The following DHX33 variants were observed in gnomAD, a reference collection of about 807,000 sequenced individuals.
The protein encoded by DHX33 is DEAH-box helicase 33, also known as ATP-dependent RNA helicase DHX33.
In DHX33, 42 loss-of-function variants were observed where a neutral mutation model predicts 72.5. That is an observed-to-expected ratio of 0.58 (90% CI 0.45 to 0.75). The LOEUF (loss-of-function observed/expected upper bound fraction) is 0.75, where lower values mean the gene tolerates loss of function less well. DHX33 is among the 30% of genes least tolerant of loss of function. DHX33 has a pLI of 0.00. For missense variants in DHX33, 842 were observed against 917.5 expected, an observed-to-expected ratio of 0.92 and a Z score of 1.06; for synonymous variants, 358 against 366.1, an observed-to-expected ratio of 0.98 and a Z score of 0.25.
In DHX33 at chr17:5,444,577, A is replaced by G; in HGVS notation, c.1816-64T>C. 3.9e-6 allele frequency: 6 copies of G among 1,530,594 alleles called. No homozygotes were observed. The South Asian group carries it at 5.0e-5, about 13-fold the overall frequency. 94.8% of individuals were successfully genotyped at this position (1,530,594 alleles called of 1,614,324 possible). ...ACGTAAACACTGGTCAGCACTACAC[A>G]GCGTGTTGGGGCAACTGGACCCACT... On this transcript the variant is annotated intron_variant, in intron 11 of 11. Coordinates refer to ENST00000225296, the MANE Select transcript of DHX33 (RefSeq NM_020162.4). This position sits in a 1 kb window ranked among gnomAD's most constrained non-coding sequence, Gnocchi z 4.9.
chr17:5,447,394 C>T (rs1916698464), intron 11 of DHX33, among the ~76,000 whole-genome samples: 1 of 152,114 alleles, frequency 6.6e-6, no homozygotes, highest in African/African-American at 2.4e-5. Context: ...GTGGCTCACG[C>T]CTGTAATCCC....
At chr17:5,450,716 G>C in intron 9 of DHX33, 91 bp downstream of exon 9, 1 of 1,544,496 alleles carries the variant, frequency 6.5e-7, no homozygotes, top group Middle Eastern at 1.8e-4. Flanking sequence ...GAAAAAGTGA[G>C]ATTAATCTAG....
chr17:5,467,664 T>A (rs1441645562), intron 1 of DHX33, among the ~76,000 whole-genome samples: 1 of 151,894 alleles, frequency 6.6e-6, no homozygotes, highest in East Asian at 1.9e-4. Flanking sequence ...ATAAACCCCC[T>A]CGGGCCGGAA....
chr17:5,457,135 T>C (rs980316798), intron 4 of DHX33, among the ~76,000 whole-genome samples: 2 of 151,990 alleles, frequency 1.3e-5, no homozygotes, highest in Non-Finnish European at 2.9e-5. Flanking sequence ...GGTGAAACCC[T>C]GTCTCTACTA....
intron 5 of DHX33, among the ~76,000 whole-genome samples, 162 bp from the exon 6 acceptor site, chr17:5,455,433 G>A (rs935085874): frequency 2.0e-5 from 3 of 152,124 alleles, no homozygotes; most frequent in Non-Finnish European, 4.4e-5. Flanking sequence ...TCATTAAACC[G>A]GGCAGGGGAA....
In DHX33 at chr17:5,442,047, A is replaced by C. The variant is rs1205999334; in HGVS notation, c.*2158T>G. Reference sequence around the variant, plus strand: ...GTAGCTGGGATTACAGGCGTGTGCCACCATGCCCAGCTAAGTTTTCTATTT... The same window carrying C: ...GTAGCTGGGATTACAGGCGTGTGCCCCCATGCCCAGCTAAGTTTTCTATTT... On this transcript the variant is annotated 3_prime_UTR_variant, in exon 12 of 12. Transcript: ENST00000225296. The C allele has an allele frequency of 6.6e-6, 1 of 152,160 alleles. No homozygotes were observed. The highest frequency in any genetic ancestry group is 2.4e-5 in the African/African-American group (1 of 41,386). The allele number at this position is 152,160 out of a possible 1,614,324, so 9.4% of individuals were successfully genotyped here. A position where few individuals can be genotyped will look rare whatever the true frequency, so the allele number is the denominator to read the frequency against.
chr17:5,464,731 T>G (rs1904796327), intron 1 of DHX33, among the ~76,000 whole-genome samples: 1 of 152,240 alleles, frequency 6.6e-6, no homozygotes, highest in Non-Finnish European at 1.5e-5. Flanking sequence ...TACATAGATT[T>G]CTGCATACTG....
Position 5,468,923 on chromosome 17 carries a change from A to T in DHX33, c.-64T>A, listed in dbSNP as rs756315989. 6.5e-7 allele frequency: 1 copy of T among 1,530,286 alleles called. No individual in the cohort carries two copies. The highest frequency in any genetic ancestry group is 8.8e-7 in the Non-Finnish European group (1 of 1,133,026). 94.8% of individuals were successfully genotyped at this position (1,530,286 alleles called of 1,614,324 possible). A position where few individuals can be genotyped will look rare whatever the true frequency, so the allele number is the denominator to read the frequency against. ...AGCTCCTGCCCCCTCTCAGGTGCAGACAACAGGAGCACACCGCCCCTTCCT... is the reference window on the plus strand; with the variant it reads ...AGCTCCTGCCCCCTCTCAGGTGCAGTCAACAGGAGCACACCGCCCCTTCCT... On this transcript the variant is annotated 5_prime_UTR_variant, in exon 1 of 12. Coordinates refer to ENST00000225296, the MANE Select transcript of DHX33 (RefSeq NM_020162.4).
At chr17:5,447,639 GA>G (rs970179505) in intron 11 of DHX33, among the ~76,000 whole-genome samples, 2 of 151,058 alleles carry the variant, frequency 1.3e-5, no homozygotes, top group African/African-American at 4.9e-5. Context: ...AAAAAGAAAG[GA>G]AAAAAAACAC....
At chr17:5,464,897 G>C (rs1421109301) in intron 1 of DHX33, among the ~76,000 whole-genome samples, 1 of 152,168 alleles carries the variant, frequency 6.6e-6, no homozygotes, top group Non-Finnish European at 1.5e-5. Context: ...AGATGAGTTA[G>C]GCCTCAAACA....
At chr17:5,451,526 C>T (rs1395567588) in intron 8 of DHX33, among the ~76,000 whole-genome samples, 2 of 152,172 alleles carry the variant, frequency 1.3e-5, no homozygotes, top group Admixed American at 1.3e-4. Flanking sequence ...TGCAGATACA[C>T]ATCGCACAGA....
At chr17:5,451,175 G>A (rs993084786) in intron 8 of DHX33, among the ~76,000 whole-genome samples, 1 of 152,096 alleles carries the variant, frequency 6.6e-6, no homozygotes, top group African/African-American at 2.4e-5. Flanking sequence ...GCGTGATCTC[G>A]GCTCATTGCA....
chr17:5,450,501 G>T, intron 9 of DHX33, 95 bp from the exon 10 acceptor site: 1 of 1,274,716 alleles, frequency 7.8e-7, no homozygotes, highest in Non-Finnish European at 1.1e-6. Context: ...TCCCTTCTAA[G>T]GAGTTAAAGG....
intron 1 of DHX33, 22 bp from the exon 2 acceptor site, chr17:5,463,711 A>C: frequency 6.4e-7 from 1 of 1,571,068 alleles, no homozygotes; most frequent in East Asian, 2.3e-5. Flanking sequence ...GGGGAAAAAA[A>C]AAAAAGGCTC....
Position 5,448,903 on chromosome 17 carries a change from G to A in DHX33, c.1729-8C>T, listed in dbSNP as rs1237828571. The A allele has an allele frequency of 1.2e-6, 2 of 1,606,820 alleles. No homozygotes were observed. Among genetic ancestry groups the A allele is most frequent in the African/African-American group, 1.3e-5 (1 of 74,802 alleles). On this transcript the variant is annotated splice_region_variant and splice_polypyrimidine_tract_variant and intron_variant, in intron 10 of 11. Coordinates refer to ENST00000225296, the MANE Select transcript of DHX33 (RefSeq NM_020162.4). ...ATTCTCTTTGCACCAATCCTGAATAGGAGAAAGAGTGATATCACAATCCAC... is the reference window on the plus strand; with the variant it reads ...ATTCTCTTTGCACCAATCCTGAATAAGAGAAAGAGTGATATCACAATCCAC...
chr17:5,447,487 G>A (rs1277655732), intron 11 of DHX33, among the ~76,000 whole-genome samples: 1 of 152,160 alleles, frequency 6.6e-6, no homozygotes, highest in African/African-American at 2.4e-5. Context: ...AGCCGGGTGT[G>A]GTGGGTCATG....
At chr17:5,455,869 C>CACT in intron 5 of DHX33, 128 bp downstream of exon 5, 1 of 995,858 alleles carries the variant, frequency 1.0e-6, no homozygotes, top group Non-Finnish European at 1.5e-6. Context: ...CTCCTCAGTG[C>CACT]GCTGATCTGG....
intron 5 of DHX33, 56 bp from the exon 6 acceptor site, chr17:5,455,327 C>A: frequency 7.1e-7 from 1 of 1,415,064 alleles, no homozygotes; most frequent in Non-Finnish European, 1.0e-6. Context: ...ATTCAGAAGT[C>A]TTCAAACATA....
chr17:5,448,770 C>T, intron 11 of DHX33, 39 bp downstream of exon 11: 1 of 1,489,928 alleles, frequency 6.7e-7, no homozygotes, highest in Non-Finnish European at 9.1e-7. Flanking sequence ...AACAAAGTGA[C>T]AGCTTTGTCA....
Sources: allele counts gnomAD v4.1 joint callset (sites outside exome capture counted in the v4.1 genomes callset), GRCh38; gene constraint gnomAD v4.1.1; non-coding constraint Gnocchi (gnomAD v3.1); transcripts MANE v1.5; gene names NCBI Gene and HGNC (gene_info 2026-07-23, HGNC 2026-07-21).